The following GSE1 variants were observed in gnomAD, a reference collection of about 807,000 sequenced individuals.
GSE1 encodes the protein Gse1 coiled-coil protein, also known as genetic suppressor element 1.
Under a neutral mutation model 112.6 loss-of-function variants are expected in GSE1, and 32 were observed. That is an observed-to-expected ratio of 0.28 (90% confidence interval 0.21 to 0.38). The LOEUF is 0.38. Among genes scored for constraint, GSE1 ranks in the 10% least tolerant of loss-of-function variants. GSE1 has a pLI of 1.00. For synonymous variants in GSE1, 1,115 were observed against 735.6 expected, an observed-to-expected ratio of 1.52 and a Z score of -8.35; for missense variants, 2,348 against 1,699.2, an observed-to-expected ratio of 1.38 and a Z score of -6.71.
intron 1 of GSE1, among the ~76,000 whole-genome samples, chr16:85,632,641 G>T (rs1311716908): frequency 6.6e-6 from 1 of 152,174 alleles, no homozygotes; most frequent in African/African-American, 2.4e-5. Context: ...GGCTCTGGAG[G>T]CCAGGGCAGC....
At chr16:85,539,894 G>C (rs748638546) in intron 2 of GSE1, among the ~76,000 whole-genome samples, 1 of 152,346 alleles carries the variant, frequency 6.6e-6, no homozygotes, top group Admixed American at 6.5e-5. Context: ...GGGAACAAAG[G>C]AGAGTCCTGG....
At chr16:85,521,385 T>C (rs1238813933) in intron 2 of GSE1, among the ~76,000 whole-genome samples, 4 of 152,204 alleles carry the variant, frequency 2.6e-5, no homozygotes, top group Non-Finnish European at 4.4e-5. Flanking sequence ...CCAAAGCTCC[T>C]GTCTCCCATC....
intron 1 of GSE1, among the ~76,000 whole-genome samples, chr16:85,354,456 C>T (rs2046909941): frequency 6.6e-6 from 1 of 152,266 alleles, no homozygotes; most frequent in Non-Finnish European, 1.5e-5. Context: ...TGTTCCAGTG[C>T]TGAGTTGAGT....
intron 1 of GSE1, among the ~76,000 whole-genome samples, chr16:85,332,273 C>G (rs556378718): frequency 6.6e-6 from 1 of 152,340 alleles, no homozygotes; most frequent in East Asian, 1.9e-4. Context: ...ACCCCTGGGT[C>G]TGTATGCCTT....
intron 2 of GSE1, among the ~76,000 whole-genome samples, chr16:85,449,150 C>T (rs11859180): frequency 0.058 from 8,764 of 152,260 alleles, 835 homozygotes; most frequent in African/African-American, 0.2. Context: ...CCTGGGAGAA[C>T]GGAAGGCTGT....
chr16:85,442,027 C>G (rs1046650584), intron 2 of GSE1, among the ~76,000 whole-genome samples: 4 of 152,262 alleles, frequency 2.6e-5, no homozygotes, highest in African/African-American at 9.6e-5. Flanking sequence ...ACGTGGGCCC[C>G]TGCTGCAGCC....
chr16:85,170,253 C>T (rs2074337485), exon 1 of GSE1: 1 of 985,580 alleles, frequency 1.0e-6, no homozygotes, highest in South Asian at 4.7e-5. Context: ...CGAAGGCCCA[C>T]GCGGATGGGG....
At chr16:85,342,898 A>G (rs761636196) in intron 1 of GSE1, among the ~76,000 whole-genome samples, 2 of 148,840 alleles carry the variant, frequency 1.3e-5, no homozygotes, top group Non-Finnish European at 3.0e-5. Context: ...TCTCCAAGCC[A>G]TTTGTGCATG....
At chr16:85,602,928 C>T (rs1392763629) in intron 1 of GSE1, among the ~76,000 whole-genome samples, 1 of 152,240 alleles carries the variant, frequency 6.6e-6, no homozygotes, top group Admixed American at 6.5e-5. Context: ...GCTCCGTGGG[C>T]AGCTGGTGAC....
intron 2 of GSE1, among the ~76,000 whole-genome samples, chr16:85,524,726 C>T (rs192440533): frequency 2.6e-5 from 4 of 152,240 alleles, no homozygotes; most frequent in Admixed American, 6.5e-5. Context: ...GAGAGGGCAC[C>T]GGGGCCAGTC....
At chr16:85,473,776 C>T (rs1017650435) in intron 2 of GSE1, among the ~76,000 whole-genome samples, 9 of 151,848 alleles carry the variant, frequency 5.9e-5, no homozygotes, top group African/African-American at 2.2e-4. Context: ...TTTTGCGGGG[C>T]GGAGGGGGGG....
chr16:85,663,052 G>A lies in GSE1; in HGVS notation c.2332G>A (p.Val778Met), dbSNP rs182748410. ...GGAGGTCAGGGCCCACCTCCGTTGC[G>A]TGGCCGAGCAGCCGCCCCTCAAACT... The part of the protein sequence containing the change: ...EEEVRAHLRC[V>M]AEQPPLKLDT... Residue 778 changes from valine to methionine, a missense_variant, in exon 10 of 16, where the codon GTG (valine) becomes ATG (methionine). By Grantham distance (21) the Val-to-Met change is conservative. Transcript: ENST00000253458. 44 of 1,613,038 alleles carry A rather than the reference G, an allele frequency of 2.7e-5. No individual in the cohort carries two copies. The East Asian group carries it at 4.9e-4, about 18-fold the overall frequency.
At chr16:85,300,263 C>G (rs561396175) in intron 1 of GSE1, among the ~76,000 whole-genome samples, 1 of 152,282 alleles carries the variant, frequency 6.6e-6, no homozygotes, top group South Asian at 2.1e-4. Flanking sequence ...CGTCCCACCT[C>G]GGCCTCCCAA....
chr16:85,212,400 G>A (rs530882191), intron 1 of GSE1, among the ~76,000 whole-genome samples: 14 of 151,400 alleles, frequency 9.2e-5, no homozygotes, highest in African/African-American at 3.2e-4. Context: ...AGCAAGACTA[G>A]GTCTCAAAAA....
chr16:85,432,815 T>C (rs995433878), intron 2 of GSE1, among the ~76,000 whole-genome samples: 13 of 151,944 alleles, frequency 8.6e-5, no homozygotes, highest in Non-Finnish European at 1.3e-4. Context: ...GGTGCACAGG[T>C]GAGGATGGAG....
In GSE1 at chr16:85,263,724, C is replaced by G. The variant is rs933079450; in HGVS notation, c.2283+91917C>G. On this transcript the variant is annotated intron_variant, in intron 1 of 2. Transcript: ENST00000637419. ...AGTAGCTGGGATTACAGGTGTGGGA[C>G]ACCACACCCAGCTAATTTTTGTATT... 1.5e-4 allele frequency among the ~76,000 whole-genome samples: 23 copies of G among 152,206 alleles called. 1 individual carries two copies. In the South Asian group the frequency reaches 3.3e-3, roughly 22 times the overall value.
At chr16:85,503,938 G>C (rs148063192) in intron 2 of GSE1, among the ~76,000 whole-genome samples, 3,846 of 152,348 alleles carry the variant, frequency 0.025, 73 homozygotes, top group South Asian at 0.065. Flanking sequence ...GCGGAAGATA[G>C]ATGGTCATCC....
chr16:85,436,443 A>C (rs2049248265), intron 2 of GSE1, among the ~76,000 whole-genome samples: 1 of 152,194 alleles, frequency 6.6e-6, no homozygotes, highest in South Asian at 2.1e-4. Flanking sequence ...CGATTCTGCC[A>C]ATCTGCCCTC....
At chr16:85,292,602 C>T (rs566872501) in intron 1 of GSE1, among the ~76,000 whole-genome samples, 12 of 152,268 alleles carry the variant, frequency 7.9e-5, no homozygotes, top group Non-Finnish European at 8.8e-5. Context: ...GCTGGGATTA[C>T]AGGCCGGAGC....
Sources: allele counts gnomAD v4.1 joint callset (sites outside exome capture counted in the v4.1 genomes callset), GRCh38; gene constraint gnomAD v4.1.1; transcripts MANE v1.5; gene names NCBI Gene and HGNC (gene_info 2026-07-23, HGNC 2026-07-21).